The following NRXN3 variants were observed in gnomAD, a reference collection of about 807,000 sequenced individuals.
NRXN3 encodes neurexin III.
A neutral mutation model predicts 137.6 loss-of-function variants in NRXN3; 32 were observed. That is an observed-to-expected ratio of 0.23 (90% CI 0.18 to 0.31). The LOEUF (loss-of-function observed/expected upper bound fraction) is 0.31, where lower values mean the gene tolerates loss of function less well. NRXN3 is among the 10% of genes least tolerant of loss of function. The pLI is 1.00. For missense variants in NRXN3, 1,574 were observed against 2,062.5 expected, an observed-to-expected ratio of 0.76 and a Z score of 4.59; for synonymous variants, 798 against 784.5, an observed-to-expected ratio of 1.02 and a Z score of -0.29.
intron 15 of NRXN3, among the ~76,000 whole-genome samples, chr14:79,055,273 T>A (rs1226893528): frequency 1.3e-5 from 2 of 152,212 alleles, no homozygotes; most frequent in East Asian, 3.8e-4. Context: ...TAGCAGTTGT[T>A]ATTCATTGAA....
chr14:79,011,249 G>GCAAA (rs1202507469), intron 15 of NRXN3, among the ~76,000 whole-genome samples: 1 of 152,076 alleles, frequency 6.6e-6, no homozygotes, highest in East Asian at 1.9e-4. Context: ...GGAGATCCAA[G>GCAAA]CAAACATTTG....
At chr14:79,155,497 AAT>A (rs1388186549) in intron 15 of NRXN3, among the ~76,000 whole-genome samples, 5 of 151,922 alleles carry the variant, frequency 3.3e-5, no homozygotes, top group Non-Finnish European at 4.4e-5. Context: ...TTATTTACTT[AAT>A]AGTCTTCTTT....
intron 10 of NRXN3, among the ~76,000 whole-genome samples, chr14:78,924,702 C>T (rs1281938410): frequency 6.6e-6 from 1 of 152,126 alleles, no homozygotes; most frequent in Non-Finnish European, 1.5e-5. Context: ...ATACGTCATC[C>T]TGTAAAGTCT....
At chr14:78,805,901 TGTACA>T (rs1291863439) in intron 9 of NRXN3, among the ~76,000 whole-genome samples, 5 of 152,086 alleles carry the variant, frequency 3.3e-5, no homozygotes, top group African/African-American at 1.2e-4. Context: ...AGGAAATAAG[TGTACA>T]GATTCTCATT....
At chr14:79,856,618 CT>C (rs34929411) in intron 20 of NRXN3, among the ~76,000 whole-genome samples, 59,378 of 143,386 alleles carry the variant, frequency 0.41, 12,476 homozygotes, top group East Asian at 0.56. Context: ...TTTTTTTGTT[CT>C]TTTTTTTTTT....
At chr14:78,302,141 C>G (rs1355826360) in intron 4 of NRXN3, among the ~76,000 whole-genome samples, 1 of 152,210 alleles carries the variant, frequency 6.6e-6, no homozygotes, top group Non-Finnish European at 1.5e-5. Flanking sequence ...TGCCTCTTCT[C>G]TCATTGGCAA....
At chr14:78,259,055 C>T (rs933025207) in intron 2 of NRXN3, among the ~76,000 whole-genome samples, 6 of 151,096 alleles carry the variant, frequency 4.0e-5, no homozygotes, top group African/African-American at 1.5e-4. Context: ...TCACTTGAAC[C>T]TGGGAGGTGG....
chr14:78,737,226 C>T (rs372906434), intron 8 of NRXN3, among the ~76,000 whole-genome samples: 1 of 152,156 alleles, frequency 6.6e-6, no homozygotes, highest in East Asian at 1.9e-4. Context: ...AATGGTCCAG[C>T]CTTCTAATTC....
rs2098754867 is a variant in NRXN3, at chr14:79,701,615, A to G, written c.4014+3678A>G. On this transcript the variant is annotated intron_variant, in intron 19 of 20. Transcript: ENST00000335750. ...AGAGAGAGTACTTCCAGGGGCAGGA[A>G]GTAGAGGGTGCCAGTTTTATATAGC... Among the ~76,000 whole-genome samples, 3 of 152,202 alleles carry G rather than the reference A, an allele frequency of 2.0e-5. No individual in the cohort carries two copies. The South Asian group carries it at 6.2e-4, about 32-fold the overall frequency.
chr14:79,110,901 C>T (rs1300140222), intron 15 of NRXN3, among the ~76,000 whole-genome samples: 3 of 151,986 alleles, frequency 2.0e-5, no homozygotes, highest in Non-Finnish European at 4.4e-5. Context: ...TGCCATTCTC[C>T]TGCCTCAGCC....
chr14:79,523,547 T>C (rs2097090467), intron 16 of NRXN3, among the ~76,000 whole-genome samples: 1 of 152,188 alleles, frequency 6.6e-6, no homozygotes, highest in African/African-American at 2.4e-5. Context: ...AAAATGGCAC[T>C]CACTGCTCAG....
At chr14:78,788,747 A>G (rs750784744) in intron 8 of NRXN3, among the ~76,000 whole-genome samples, 12 of 152,136 alleles carry the variant, frequency 7.9e-5, no homozygotes, top group Non-Finnish European at 1.0e-4. Context: ...CCTTTATTAA[A>G]CTTTCATCAA....
chr14:79,478,349 G>C (rs1191439379), intron 16 of NRXN3, among the ~76,000 whole-genome samples: 1 of 151,924 alleles, frequency 6.6e-6, no homozygotes, highest in Non-Finnish European at 1.5e-5. Context: ...CCAAACACAA[G>C]TTGTTCCAGA....
intron 1 of NRXN3, among the ~76,000 whole-genome samples, chr14:78,190,394 A>C (rs1005897877): frequency 2.6e-5 from 4 of 152,242 alleles, no homozygotes; most frequent in Admixed American, 2.6e-4. Flanking sequence ...GATCACCTGG[A>C]ATTCCACCTC....
At chr14:79,741,604 C>T (rs2098963310) in intron 19 of NRXN3, among the ~76,000 whole-genome samples, 1 of 152,082 alleles carries the variant, frequency 6.6e-6, no homozygotes, top group Non-Finnish European at 1.5e-5. Flanking sequence ...CATGCCTCAG[C>T]TTCCCGAGTA....
intron 4 of NRXN3, among the ~76,000 whole-genome samples, chr14:78,639,321 C>A (rs1224918634): frequency 6.6e-6 from 1 of 152,218 alleles, no homozygotes; most frequent in South Asian, 2.1e-4. Context: ...ACAATGAGAA[C>A]AATTTCGCTG....
intron 10 of NRXN3, among the ~76,000 whole-genome samples, chr14:78,934,379 C>T (rs1214869318): frequency 6.6e-6 from 1 of 152,194 alleles, no homozygotes; most frequent in African/African-American, 2.4e-5. Flanking sequence ...GATGCCCAAG[C>T]ATGACCAGAA....
chr14:79,429,695 G>A (rs750697832), intron 15 of NRXN3, among the ~76,000 whole-genome samples: 18 of 152,098 alleles, frequency 1.2e-4, no homozygotes, highest in Non-Finnish European at 1.5e-4. Flanking sequence ...GTACTTCTTC[G>A]CAAGGGCTTC....
At chr14:78,860,810 G>T (rs1414131750) in intron 10 of NRXN3, among the ~76,000 whole-genome samples, 1 of 152,038 alleles carries the variant, frequency 6.6e-6, no homozygotes, top group Non-Finnish European at 1.5e-5. Flanking sequence ...AGGAGGAAGA[G>T]AGAAGTTAGT....
Sources: allele counts gnomAD v4.1 joint callset (sites outside exome capture counted in the v4.1 genomes callset), GRCh38; gene constraint gnomAD v4.1.1; transcripts MANE v1.5; gene names NCBI Gene and HGNC (gene_info 2026-07-23, HGNC 2026-07-21).